ARHGEF3: variants seen among roughly 807,000 people sequenced by gnomAD.
ARHGEF3 encodes the protein 59.8 kDA protein.
A neutral mutation model predicts 63.2 loss-of-function variants in ARHGEF3; 28 were observed. That is an observed-to-expected ratio of 0.44 (90% CI 0.33 to 0.61). ARHGEF3 has a LOEUF of 0.61. ARHGEF3 is among the 20% of genes least tolerant of loss of function. The pLI is 0.03. For missense variants in ARHGEF3, 533 were observed against 659.3 expected, an observed-to-expected ratio of 0.81 and a Z score of 2.10; for synonymous variants, 266 against 254.2, an observed-to-expected ratio of 1.05 and a Z score of -0.44.
intron 4 of ARHGEF3, among the ~76,000 whole-genome samples, chr3:56,873,491 TTGTC>T (rs766616697): frequency 4.6e-5 from 7 of 152,284 alleles, no homozygotes; most frequent in Non-Finnish European, 8.8e-5. Flanking sequence ...ATGTATTTGG[TTGTC>T]TGTTCGTGCG....
intron 3 of ARHGEF3, among the ~76,000 whole-genome samples, chr3:56,937,845 G>A (rs1428050296): frequency 6.6e-6 from 1 of 152,196 alleles, no homozygotes; most frequent in East Asian, 1.9e-4. Context: ...TCTTTTTAAT[G>A]AAGTGGTTTA....
chr3:56,926,166 T>C (rs1429103059), intron 3 of ARHGEF3, among the ~76,000 whole-genome samples: 2 of 152,130 alleles, frequency 1.3e-5, no homozygotes, highest in African/African-American at 4.8e-5. Context: ...CCATTCCAGC[T>C]GGTTGTCAGT....
chr3:57,000,517 T>C (rs1017502349), intron 2 of ARHGEF3, among the ~76,000 whole-genome samples: 9 of 145,062 alleles, frequency 6.2e-5, no homozygotes, highest in African/African-American at 2.6e-5. Flanking sequence ...ATTATTATTA[T>C]TACTACTATT....
At chr3:56,861,099 G>A (rs2040057621) in intron 4 of ARHGEF3, among the ~76,000 whole-genome samples, 2 of 152,196 alleles carry the variant, frequency 1.3e-5, no homozygotes, top group Non-Finnish European at 2.9e-5. Context: ...AACCATGTCG[G>A]CTTTAGCTTC....
At chr3:56,813,915 G>T (rs2038166398) in intron 4 of ARHGEF3, among the ~76,000 whole-genome samples, 1 of 151,882 alleles carries the variant, frequency 6.6e-6, no homozygotes, top group Admixed American at 6.6e-5. Context: ...GAGCTCAGTA[G>T]ACAGATGCCA....
intron 3 of ARHGEF3, among the ~76,000 whole-genome samples, chr3:56,926,352 C>T (rs1302975857): frequency 1.3e-5 from 2 of 152,192 alleles, no homozygotes; most frequent in African/African-American, 2.4e-5. Context: ...CTCCACCCTG[C>T]AGGAAATGGG....
At chr3:57,014,989 CTTG>C (rs1429686953) in intron 2 of ARHGEF3, among the ~76,000 whole-genome samples, 1 of 151,770 alleles carries the variant, frequency 6.6e-6, no homozygotes, top group Non-Finnish European at 1.5e-5. Context: ...CCGGCCAAAG[CTTG>C]TTAACTTTTT....
At chr3:56,843,255 C>G (rs2039374621) in intron 4 of ARHGEF3, among the ~76,000 whole-genome samples, 1 of 151,904 alleles carries the variant, frequency 6.6e-6, no homozygotes. Flanking sequence ...TTCTGTAACT[C>G]CATTTTTATT....
At chr3:56,812,553 TTTTTGA>T (rs1167201426) in intron 4 of ARHGEF3, among the ~76,000 whole-genome samples, 1 of 152,212 alleles carries the variant, frequency 6.6e-6, no homozygotes, top group Non-Finnish European at 1.5e-5. Context: ...CTTCTCTAGG[TTTTTGA>T]TTCCAGGTTA....
At position 56,751,374 on chromosome 3, in the gene ARHGEF3, T is replaced by G; in HGVS notation, c.461A>C (p.Lys154Thr). 6.2e-7 allele frequency: 1 copy of G among 1,614,050 alleles called. No homozygotes were observed. Among genetic ancestry groups the G allele is most frequent in the Non-Finnish European group, 8.5e-7 (1 of 1,179,938 alleles). ...CTCTTGTTCTGTCATTATGGAGAGT[T>G]TCAGCATGGGGTCATGATAGGCCTG... ...AKKAYHDPML[K>T]LSIMTEQELN... The change falls in exon 5 of 10, where the codon AAA (lysine) becomes ACA (threonine). Residue 154 changes from lysine (K) to threonine (T), a missense_variant. Physicochemically the swap from Lys to Thr is moderately conservative, Grantham distance 78. This residue lies in a region of ARHGEF3 where 107 missense variants were observed against 207.9 expected (regional missense o/e 0.51). Transcript: ENST00000296315.
chr3:56,767,311 G>A (rs1345870773), intron 2 of ARHGEF3, among the ~76,000 whole-genome samples: 10 of 152,006 alleles, frequency 6.6e-5, no homozygotes, highest in African/African-American at 2.2e-4. Flanking sequence ...GGCCGGGCGC[G>A]GTGGCTCACG....
At chr3:56,948,850 C>A (rs1345441426) in intron 3 of ARHGEF3, among the ~76,000 whole-genome samples, 3 of 151,958 alleles carry the variant, frequency 2.0e-5, no homozygotes, top group Non-Finnish European at 4.4e-5. Flanking sequence ...GACCAATATC[C>A]CTGATGAACA....
At chr3:56,862,577 T>C (rs1235732160) in intron 4 of ARHGEF3, among the ~76,000 whole-genome samples, 1 of 152,170 alleles carries the variant, frequency 6.6e-6, no homozygotes, top group Non-Finnish European at 1.5e-5. Flanking sequence ...CCAATGTGCA[T>C]TCCCTTAAAG....
intron 3 of ARHGEF3, among the ~76,000 whole-genome samples, chr3:56,908,725 T>G (rs566704022): frequency 1.3e-4 from 20 of 152,158 alleles, no homozygotes; most frequent in Non-Finnish European, 2.9e-4. Flanking sequence ...ATTAGCTGTA[T>G]GCCTTTGGGT....
intron 4 of ARHGEF3, among the ~76,000 whole-genome samples, chr3:56,855,736 AC>A (rs2039850508): frequency 6.6e-6 from 1 of 151,156 alleles, no homozygotes; most frequent in East Asian, 1.9e-4. Flanking sequence ...CCACTCTCCT[AC>A]CCCCTGTAAA....
chr3:56,852,466 T>C (rs550694530), intron 4 of ARHGEF3, among the ~76,000 whole-genome samples: 26 of 152,132 alleles, frequency 1.7e-4, no homozygotes, highest in African/African-American at 5.3e-4. Context: ...GCAGTACCAG[T>C]CCCCAGAAGG....
intron 2 of ARHGEF3, among the ~76,000 whole-genome samples, chr3:56,964,217 G>A (rs1700395680): frequency 6.6e-6 from 1 of 152,040 alleles, no homozygotes; most frequent in Admixed American, 6.6e-5. Flanking sequence ...ACTGTACATG[G>A]TGGTGCATGC....
At chr3:57,001,300 A>T (rs566380788) in intron 2 of ARHGEF3, among the ~76,000 whole-genome samples, 2 of 152,354 alleles carry the variant, frequency 1.3e-5, no homozygotes, top group East Asian at 3.9e-4. Context: ...TGATGCATGC[A>T]GGTGATAACT....
intron 3 of ARHGEF3, among the ~76,000 whole-genome samples, chr3:56,885,623 C>A (rs556766329): frequency 6.6e-6 from 1 of 152,086 alleles, no homozygotes; most frequent in Non-Finnish European, 1.5e-5. Context: ...AACACACTAC[C>A]CAGCTTTGGA....
Sources: allele counts gnomAD v4.1 joint callset (sites outside exome capture counted in the v4.1 genomes callset), GRCh38; gene constraint gnomAD v4.1.1; regional missense constraint gnomAD v4.1.1; transcripts MANE v1.5; gene names NCBI Gene and HGNC (gene_info 2026-07-23, HGNC 2026-07-21).